Variants in TNKS observed in about 807,000 individuals in gnomAD.
TNKS encodes the protein tankyrase.
TNKS carries 72 observed loss-of-function variants against 135.8 expected under a neutral mutation model. That is an observed-to-expected ratio of 0.53 (90% CI 0.44 to 0.64). The LOEUF is 0.64. Among genes scored for constraint, TNKS ranks in the 30% least tolerant of loss-of-function variants. TNKS has a pLI of 0.00. For missense variants in TNKS, 1,769 were observed against 1,674.0 expected (o/e 1.06, Z -0.99); for synonymous variants, 849 against 649.3 (o/e 1.31, Z -4.68).
Position 9,748,223 on chromosome 8 carries a change from A to G in TNKS, c.2832+11A>G, listed in dbSNP as rs746306990. 6.6e-6 allele frequency: 10 copies of G among 1,513,446 alleles called. No homozygotes were observed. The highest frequency in any genetic ancestry group is 8.9e-6 in the Non-Finnish European group (10 of 1,127,024). 93.8% of individuals were successfully genotyped at this position (1,513,446 alleles called of 1,614,324 possible). On this transcript the variant is annotated intron_variant, in intron 18 of 26. Coordinates refer to ENST00000310430, the MANE Select transcript of TNKS (RefSeq NM_003747.3). ...CTGGATCTGGCAACAGTAAGTCCTCATTTCAGATACTGATTATTGTTCCTT... is the reference window on the plus strand; with the variant it reads ...CTGGATCTGGCAACAGTAAGTCCTCGTTTCAGATACTGATTATTGTTCCTT...
chr8:9,657,312 C>T (rs1403511548), intron 3 of TNKS, among the ~76,000 whole-genome samples: 10 of 82,470 alleles, frequency 1.2e-4, no homozygotes, highest in Admixed American at 3.0e-4. Context: ...ACCCCCCCAC[C>T]TCCCTCCCAG....
chr8:9,603,514 C>T (rs1258012158), intron 2 of TNKS, among the ~76,000 whole-genome samples: 2 of 152,214 alleles, frequency 1.3e-5, no homozygotes, highest in East Asian at 3.9e-4. Context: ...CTAAAGAGAA[C>T]AGGCTAAGAC....
rs60138689 is a variant in TNKS at position 9,721,298 on chromosome 8, T to TTATATATATA, written c.1921+758_1921+767dup. On this transcript the variant is annotated intron_variant, in intron 12 of 26. Coordinates refer to ENST00000310430, the MANE Select transcript of TNKS (RefSeq NM_003747.3). ...TCTGTCTCAAAAATAAATAAATAAA[T>TTATATATATA]TATATATATATATAAAATTATAAAA... Among the ~76,000 whole-genome samples the TTATATATATA allele has an allele frequency of 3.8e-4, 45 of 118,160 alleles. 2 individuals carry two copies. The highest frequency in any genetic ancestry group is 4.8e-3 in the Middle Eastern group (1 of 210). 77.5% of individuals were successfully genotyped at this position (118,160 alleles called of 152,430 possible). A position where few individuals can be genotyped will look rare whatever the true frequency, so the allele number is the denominator to read the frequency against.
intron 2 of TNKS, among the ~76,000 whole-genome samples, chr8:9,583,098 C>T (rs879828202): frequency 9.0e-5 from 13 of 144,644 alleles, no homozygotes; most frequent in South Asian, 2.2e-4. Flanking sequence ...ACCCGGGAGG[C>T]GGAGCTTGAT....
At chr8:9,650,097 G>T (rs1265238121) in intron 3 of TNKS, among the ~76,000 whole-genome samples, 1 of 151,768 alleles carries the variant, frequency 6.6e-6, no homozygotes, top group Non-Finnish European at 1.5e-5. Flanking sequence ...TCACCATGTT[G>T]CCCAGGCTGG....
intron 1 of TNKS, chr8:9,575,028 T>C (rs183852272): frequency 1.0e-6 from 1 of 985,278 alleles, no homozygotes; most frequent in Non-Finnish European, 1.2e-6. Context: ...TAAACTGCTA[T>C]GTGTGCCTGG....
intron 17 of TNKS, among the ~76,000 whole-genome samples, chr8:9,747,125 C>T (rs967892505): frequency 3.3e-5 from 5 of 151,882 alleles, no homozygotes; most frequent in South Asian, 2.1e-4. Flanking sequence ...TCAGGTGATC[C>T]GCCCACCTCA....
chr8:9,772,467 T>TGAAA (rs752531585), intron 26 of TNKS: 1 of 453,158 alleles, frequency 2.2e-6, no homozygotes, highest in Non-Finnish European at 4.4e-6. Context: ...TTTTTAATGT[T>TGAAA]GAAAGATTGT....
At chr8:9,748,482 A>G (rs913985445) in intron 18 of TNKS, among the ~76,000 whole-genome samples, 3 of 152,222 alleles carry the variant, frequency 2.0e-5, no homozygotes, top group African/African-American at 7.2e-5. Flanking sequence ...GTGTACCCTC[A>G]AAGAATTATA....
Position 9,642,761 on chromosome 8 carries a change from C to T in TNKS, c.994+27084C>T, listed in dbSNP as rs538373283. ...TGGACGTTTAGTAAAAACATGACAC[C>T]TCTTTTAATAAATGTACATACTTCA... is the stretch of plus-strand genomic sequence containing the variant. On this transcript the variant is annotated intron_variant, in intron 3 of 26. Transcript: ENST00000310430. Among the ~76,000 whole-genome samples, 3 of 145,714 alleles carry T rather than the reference C, an allele frequency of 2.1e-5. 1 individual carries two copies. The highest frequency in any genetic ancestry group is 7.6e-5 in the African/African-American group (3 of 39,416).
chr8:9,759,508 T>G (rs1372348506), intron 20 of TNKS, among the ~76,000 whole-genome samples: 1 of 152,192 alleles, frequency 6.6e-6, no homozygotes, highest in African/African-American at 2.4e-5. Context: ...CTTTTCAGGT[T>G]GTTTTGTTGG....
chr8:9,736,085 AAT>A lies in TNKS; in HGVS notation c.2643+607_2643+608del, dbSNP rs1035499035. On this transcript the variant is annotated intron_variant, in intron 17 of 26. Coordinates refer to ENST00000310430, the MANE Select transcript of TNKS (RefSeq NM_003747.3). ...TTTATATTTATCAATATTGTAATAT[AAT>A]ATATATAATGTAAAATAATATAATA... Among the ~76,000 whole-genome samples the A allele has an allele frequency of 2.8e-4, 4 of 14,406 alleles. No homozygotes were observed. In the Admixed American group the frequency reaches 5.9e-3, roughly 21 times the overall value. The allele number at this position is 14,406 out of a possible 152,430, so 9.5% of individuals were successfully genotyped here.
chr8:9,645,437 A>T (rs562112219), intron 3 of TNKS, among the ~76,000 whole-genome samples: 1 of 152,192 alleles, frequency 6.6e-6, no homozygotes, highest in African/African-American at 2.4e-5. Context: ...GTCTGAAGGG[A>T]TAAAGACACA....
intron 2 of TNKS, among the ~76,000 whole-genome samples, chr8:9,607,938 A>G (rs928428907): frequency 6.6e-6 from 1 of 151,964 alleles, no homozygotes; most frequent in Admixed American, 6.6e-5. Flanking sequence ...CACCGCCTTG[A>G]TTTGTGTTAT....
At chr8:9,703,033 A>G (rs1004967637) in intron 5 of TNKS, among the ~76,000 whole-genome samples, 1 of 152,158 alleles carries the variant, frequency 6.6e-6, no homozygotes, top group Non-Finnish European at 1.5e-5. Flanking sequence ...AACAAACAAA[A>G]AAGAAACAAA....
At chr8:9,655,393 A>G (rs1801316084) in intron 3 of TNKS, among the ~76,000 whole-genome samples, 1 of 152,214 alleles carries the variant, frequency 6.6e-6, no homozygotes, top group Admixed American at 6.5e-5. Flanking sequence ...TGAAGAGAGT[A>G]GTGGTTCTCC....
In TNKS at chr8:9,779,922, T is replaced by C. The variant is rs547959076; in HGVS notation, c.*3186T>C. ...TAGAATCAACATTAGGATGTTTTCA[T>C]GAAATAGCATCCTTATACTTCTTTG... On this transcript the variant is annotated 3_prime_UTR_variant, in exon 27 of 27. Transcript: ENST00000310430. The C allele has an allele frequency of 6.6e-6, 1 of 152,364 alleles. No homozygotes were observed. Among genetic ancestry groups the C allele is most frequent in the South Asian group, 2.1e-4 (1 of 4,832 alleles). 9.4% of individuals were successfully genotyped at this position (152,364 alleles called of 1,614,324 possible).
intron 26 of TNKS, among the ~76,000 whole-genome samples, chr8:9,774,801 A>G (rs556006544): frequency 6.6e-6 from 1 of 152,324 alleles, no homozygotes; most frequent in South Asian, 2.1e-4. Flanking sequence ...TGAGCTACCT[A>G]AATGCAGACA....
chr8:9,691,519 C>G (rs1180071143), intron 5 of TNKS, among the ~76,000 whole-genome samples: 2 of 152,146 alleles, frequency 1.3e-5, no homozygotes, highest in African/African-American at 2.4e-5. Flanking sequence ...AGCCCCCACA[C>G]AAAGGAAAAT....
Sources: allele counts gnomAD v4.1 joint callset (sites outside exome capture counted in the v4.1 genomes callset), GRCh38; gene constraint gnomAD v4.1.1; transcripts MANE v1.5; gene names NCBI Gene and HGNC (gene_info 2026-07-23, HGNC 2026-07-21).